Variants in RAP1GDS1 observed in about 807,000 individuals in gnomAD.
RAP1GDS1 encodes the protein Rap1 GTPase-GDP dissociation stimulator 1, also known as RAP1, GTP-GDP dissociation stimulator 1.
In RAP1GDS1, 35 loss-of-function variants were observed where a neutral mutation model predicts 71.1. The observed-to-expected ratio is 0.49, with a 90% CI of 0.38 to 0.65. The LOEUF (loss-of-function observed/expected upper bound fraction) is 0.65, where lower values mean the gene tolerates loss of function less well. RAP1GDS1 is among the 30% of genes least tolerant of loss of function. The probability of loss-of-function intolerance (pLI) is 0.00; values close to 1 mark genes in which losing one functional copy is unlikely to be tolerated. For missense variants in RAP1GDS1, 663 were observed against 706.1 expected (o/e 0.94, Z 0.69); for synonymous variants, 229 against 243.1 (o/e 0.94, Z 0.54).
At chr4:98,412,667 C>A (rs1430402518) in intron 7 of RAP1GDS1, among the ~76,000 whole-genome samples, 1 of 152,064 alleles carries the variant, frequency 6.6e-6, no homozygotes, top group African/African-American at 2.4e-5. Context: ...GGAACCAGCC[C>A]CCAATATTTC....
intron 6 of RAP1GDS1, chr4:98,392,385 A>G (rs1743839242): frequency 4.7e-6 from 1 of 211,338 alleles, no homozygotes; most frequent in South Asian, 9.4e-5. Context: ...TAATCTTTTT[A>G]CATGAGGGAT....
intron 2 of RAP1GDS1, among the ~76,000 whole-genome samples, chr4:98,321,280 C>T (rs1255553571): frequency 6.7e-6 from 1 of 148,328 alleles, no homozygotes; most frequent in Non-Finnish European, 1.5e-5. Context: ...GTGAAAAGAC[C>T]AAATCTACGT....
intron 3 of RAP1GDS1, 68 bp from the exon 4 acceptor site, chr4:98,352,408 T>C: frequency 6.6e-7 from 1 of 1,520,852 alleles, no homozygotes; most frequent in Non-Finnish European, 9.0e-7. Context: ...ATTTATTTTA[T>C]TAGGGGAGAT....
intron 4 of RAP1GDS1, among the ~76,000 whole-genome samples, chr4:98,375,762 A>G (rs1391776126): frequency 1.3e-5 from 2 of 152,188 alleles, no homozygotes; most frequent in Admixed American, 6.5e-5. Flanking sequence ...GGCCCCATTC[A>G]TTAAAAAATT....
rs1737356266 is a variant in RAP1GDS1, at chr4:98,352,460, T to C, written c.236-16T>C. On this transcript the variant is annotated splice_polypyrimidine_tract_variant and intron_variant, in intron 3 of 14. Transcript: ENST00000408927. ...GAATCGTTAGATTTTTAATTAAACATGTCTCTTATTTTCAGAGTTTATGCG... is the reference window on the plus strand; with the variant it reads ...GAATCGTTAGATTTTTAATTAAACACGTCTCTTATTTTCAGAGTTTATGCG... 1.2e-6 allele frequency: 2 copies of C among 1,610,284 alleles called. No individual in the cohort carries two copies. The highest frequency in any genetic ancestry group is 1.3e-5 in the African/African-American group (1 of 74,812).
chr4:98,429,966 A>T (rs1469575909), intron 12 of RAP1GDS1, among the ~76,000 whole-genome samples: 1 of 152,134 alleles, frequency 6.6e-6, no homozygotes, highest in Non-Finnish European at 1.5e-5. Context: ...GATACATCCC[A>T]GCTTCTTAGA....
chr4:98,298,911 C>CT (rs896233409), intron 2 of RAP1GDS1, among the ~76,000 whole-genome samples: 34 of 151,560 alleles, frequency 2.2e-4, no homozygotes, highest in African/African-American at 4.6e-4. Flanking sequence ...AAAATATCAA[C>CT]TTTTTTTTTA....
intron 2 of RAP1GDS1, among the ~76,000 whole-genome samples, chr4:98,332,940 C>T (rs1017536272): frequency 1.3e-5 from 2 of 152,136 alleles, no homozygotes; most frequent in African/African-American, 2.4e-5. Flanking sequence ...TCAAACCTTT[C>T]GTGAGCTGCA....
At chr4:98,430,951 C>A (rs777605106) in intron 12 of RAP1GDS1, among the ~76,000 whole-genome samples, 3 of 152,188 alleles carry the variant, frequency 2.0e-5, no homozygotes, top group Admixed American at 2.0e-4. Context: ...TGCTGATGCT[C>A]TTAGGTAAAG....
At chr4:98,413,167 C>T (rs1397661142) in intron 7 of RAP1GDS1, among the ~76,000 whole-genome samples, 2 of 151,888 alleles carry the variant, frequency 1.3e-5, no homozygotes, top group East Asian at 1.9e-4. Context: ...ACTCCCAGAG[C>T]GGCCATTTAT....
intron 1 of RAP1GDS1, among the ~76,000 whole-genome samples, chr4:98,271,021 CTGTTTA>C (rs1431479966): frequency 2.0e-5 from 3 of 151,850 alleles, no homozygotes; most frequent in African/African-American, 7.3e-5. Context: ...TGTTAATTGA[CTGTTTA>C]TGTTATTGGT....
intron 2 of RAP1GDS1, among the ~76,000 whole-genome samples, chr4:98,312,846 G>C (rs532172810): frequency 7.6e-4 from 116 of 151,948 alleles, no homozygotes; most frequent in African/African-American, 2.1e-3. Flanking sequence ...GAGGCGGGTG[G>C]ATCGCAAGGT....
At chr4:98,284,884 A>G (rs1725751036) in intron 1 of RAP1GDS1, among the ~76,000 whole-genome samples, 1 of 152,154 alleles carries the variant, frequency 6.6e-6, no homozygotes, top group African/African-American at 2.4e-5. Context: ...GCCAGTCACC[A>G]GCCATGTGAG....
At chr4:98,357,946 T>A (rs1429335364) in intron 4 of RAP1GDS1, among the ~76,000 whole-genome samples, 1 of 151,828 alleles carries the variant, frequency 6.6e-6, no homozygotes, top group Non-Finnish European at 1.5e-5. Context: ...TACAATAACA[T>A]ACAAAAGGTA....
chr4:98,275,768 T>C (rs1377724116), intron 1 of RAP1GDS1, among the ~76,000 whole-genome samples: 3 of 152,290 alleles, frequency 2.0e-5, no homozygotes, highest in African/African-American at 7.2e-5. Flanking sequence ...GTGCAACTGT[T>C]CCTAAAATCT....
chr4:98,270,277 T>A (rs1560748572), intron 1 of RAP1GDS1, among the ~76,000 whole-genome samples: 1 of 152,154 alleles, frequency 6.6e-6, no homozygotes, highest in Non-Finnish European at 1.5e-5. Flanking sequence ...ACAAAAACAT[T>A]CAAACCATAT....
chr4:98,310,426 A>G (rs1730036011), intron 2 of RAP1GDS1, among the ~76,000 whole-genome samples: 1 of 152,184 alleles, frequency 6.6e-6, no homozygotes, highest in African/African-American at 2.4e-5. Flanking sequence ...CTGACCTTAA[A>G]GTAAAAATTG....
intron 2 of RAP1GDS1, among the ~76,000 whole-genome samples, chr4:98,324,431 A>T (rs1486666100): frequency 6.6e-6 from 1 of 151,846 alleles, no homozygotes; most frequent in African/African-American, 2.4e-5. Context: ...TTTAAAGTTC[A>T]TATGGAACCA....
chr4:98,286,532 A>G (rs1225190882), intron 1 of RAP1GDS1, among the ~76,000 whole-genome samples: 1 of 152,180 alleles, frequency 6.6e-6, no homozygotes, highest in Non-Finnish European at 1.5e-5. Context: ...CTCATCAAAC[A>G]TGACAAGTAA....
Sources: gnomAD v4.1 joint callset for allele counts (sites outside exome capture counted in the v4.1 genomes callset) on GRCh38, gnomAD v4.1.1 for gene constraint, MANE v1.5 for transcripts, NCBI Gene and HGNC (gene_info 2026-07-23, HGNC 2026-07-21) for gene names.